MME: variants seen among roughly 807,000 people sequenced by gnomAD.
The protein encoded by MME is membrane metalloendopeptidase.
Under a neutral mutation model 113.2 loss-of-function variants are expected in MME, and 98 were observed. That is an observed-to-expected ratio of 0.87 (90% CI 0.74 to 1.02). The LOEUF (loss-of-function observed/expected upper bound fraction) is 1.02. MME is among the 50% of genes least tolerant of loss of function. The pLI is 0.00. For missense variants in MME, 836 were observed against 896.0 expected (o/e 0.93, Z 0.86); for synonymous variants, 292 against 300.6 (o/e 0.97, Z 0.30).
intron 2 of MME, among the ~76,000 whole-genome samples, chr3:155,084,552 G>A (rs557989628): frequency 7.2e-5 from 11 of 152,268 alleles, no homozygotes; most frequent in South Asian, 4.1e-4. Flanking sequence ...TATTTAGTGC[G>A]CTCACGCTTA....
chr3:155,127,582 T>C (rs1576619652), intron 8 of MME, among the ~76,000 whole-genome samples: 1 of 152,202 alleles, frequency 6.6e-6, no homozygotes, highest in African/African-American at 2.4e-5. Context: ...GAGAGGAAGG[T>C]CGTATCATTT....
intron 1 of MME, among the ~76,000 whole-genome samples, chr3:155,063,979 G>A (rs1371441685): frequency 5.4e-5 from 8 of 147,280 alleles, no homozygotes; most frequent in Non-Finnish European, 7.4e-5. Flanking sequence ...TAATCTGATA[G>A]GACTAATCCT....
At chr3:155,172,315 T>G (rs935692492) in intron 21 of MME, 103 bp downstream of exon 21, 11 of 865,228 alleles carry the variant, frequency 1.3e-5, no homozygotes, top group African/African-American at 1.2e-4. Context: ...TACAGAGCAT[T>G]TGACTTGATT....
chr3:155,125,734 C>T (rs570062772), intron 8 of MME, among the ~76,000 whole-genome samples: 2 of 152,098 alleles, frequency 1.3e-5, no homozygotes, highest in South Asian at 4.2e-4. Context: ...GCTGGGATTA[C>T]AGATGTGAGC....
chr3:155,083,926 A>G (rs1576696662), intron 1 of MME: 9 of 473,968 alleles, frequency 1.9e-5, no homozygotes, highest in South Asian at 6.6e-5. Flanking sequence ...CCAAAGCAAA[A>G]CAAAACAAAA....
chr3:155,044,206 C>T (rs1713463785), intron 1 of MME, among the ~76,000 whole-genome samples: 1 of 134,420 alleles, frequency 7.4e-6, no homozygotes, highest in Non-Finnish European at 1.5e-5. Flanking sequence ...AATTTCAGGT[C>T]ACTGCAACCT....
intron 14 of MME, among the ~76,000 whole-genome samples, chr3:155,146,165 G>A: frequency 6.6e-6 from 1 of 152,086 alleles, no homozygotes; most frequent in East Asian, 1.9e-4. Context: ...TAGTAAACAA[G>A]TGATAATGAA....
At chr3:155,038,275 A>G (rs1014181221) in intron 1 of MME, among the ~76,000 whole-genome samples, 1 of 152,236 alleles carries the variant, frequency 6.6e-6, no homozygotes, top group African/African-American at 2.4e-5. Flanking sequence ...CCATGGCAGG[A>G]CTACACTCTG....
rs1174216295 is a variant in MME, at chr3:155,054,189, T to G, written c.-11+29865T>G. Among the ~76,000 whole-genome samples, 9 of 152,260 alleles carry G rather than the reference T, an allele frequency of 5.9e-5. No homozygotes were observed. The South Asian group carries it at 1.4e-3, about 24-fold the overall frequency. On this transcript the variant is annotated intron_variant, in intron 1 of 22. Transcript: ENST00000492661. ...ATTTCTTTCGTATTATTTTCCTATA[T>G]GATGGATTTCAACTATTGGATTTTT... is the stretch of plus-strand genomic sequence containing the variant.
chr3:155,167,441 AC>A (rs1723184308), intron 18 of MME, among the ~76,000 whole-genome samples: 1 of 148,788 alleles, frequency 6.7e-6, no homozygotes, highest in African/African-American at 2.5e-5. Context: ...TGCTTAAGAG[AC>A]CTTTTTTTTT....
intron 8 of MME, among the ~76,000 whole-genome samples, chr3:155,128,693 T>C (rs1719895230): frequency 6.6e-6 from 1 of 152,144 alleles, no homozygotes; most frequent in South Asian, 2.1e-4. Flanking sequence ...TTTTTTTCTA[T>C]AAAACTGTAA....
At position 155,172,522 on chromosome 3, in the gene MME, A is replaced by T. The variant is rs774048750; in HGVS notation, c.2077-14A>T. On this transcript the variant is annotated splice_polypyrimidine_tract_variant and intron_variant, in intron 21 of 22. Coordinates refer to ENST00000360490, the MANE Select transcript of MME (RefSeq NM_007289.4). ...CCTGAGTACATGCTTTGCTTTTCCT[A>T]TTCCTATCTCTAGGTGTGGTGTGGA... The T allele has an allele frequency of 2.0e-5, 32 of 1,598,292 alleles. No individual in the cohort carries two copies. In the Admixed American group the frequency reaches 4.8e-4, roughly 24 times the overall value.
chr3:155,140,519 C>T (rs888322073), intron 10 of MME, among the ~76,000 whole-genome samples: 4 of 147,436 alleles, frequency 2.7e-5, no homozygotes, highest in South Asian at 2.1e-4. Context: ...CAGGCTCAAG[C>T]GATTCTCCTG....
intron 1 of MME, among the ~76,000 whole-genome samples, chr3:155,024,624 C>T (rs1712714668): frequency 6.6e-6 from 1 of 152,142 alleles, no homozygotes; most frequent in Non-Finnish European, 1.5e-5. Flanking sequence ...TCCACTTTTT[C>T]TGCTATATTA....
rs1488603757 is a variant in MME, at chr3:155,168,505, CA to C, written c.1797del (p.Asp600MetfsTer81). The C allele has an allele frequency of 6.2e-7, 1 of 1,612,772 alleles. No individual in the cohort carries two copies. Among genetic ancestry groups the C allele is most frequent in the African/African-American group, 1.3e-5 (1 of 75,006 alleles). Reference protein sequence around the residue: ...GFDDNGRNFNKDGDLVDWWTQ... With the variant: ...GFDDNGRNFNXDGDLVDWWTQ... ...AATATATTATAGGCAGAAACTTTAA[CA>C]AAGATGGAGACCTCGTTGACTGGTG... On this transcript the variant is annotated frameshift_variant, in exon 19 of 23. Coordinates refer to ENST00000360490, the MANE Select transcript of MME (RefSeq NM_007289.4). LOFTEE classifies it high-confidence loss of function.
At chr3:155,047,160 C>A (rs565994513) in intron 1 of MME, among the ~76,000 whole-genome samples, 179 of 152,278 alleles carry the variant, frequency 1.2e-3, no homozygotes, top group Non-Finnish European at 2.1e-3. Context: ...GGTATGTATC[C>A]TATACAGGTA....
At chr3:155,107,976 G>T (rs1055594981) in intron 3 of MME, among the ~76,000 whole-genome samples, 1 of 152,146 alleles carries the variant, frequency 6.6e-6, no homozygotes, top group Non-Finnish European at 1.5e-5. Flanking sequence ...GATAAACATC[G>T]TTCAGGCATC....
chr3:155,060,239 C>T (rs532579861), intron 1 of MME, among the ~76,000 whole-genome samples: 1 of 152,288 alleles, frequency 6.6e-6, no homozygotes, highest in East Asian at 1.9e-4. Context: ...TCCCTTTGGG[C>T]TTGCTGAAAG....
intron 22 of MME, 68 bp from the exon 23 acceptor site, chr3:155,180,292 C>A: frequency 1.8e-6 from 2 of 1,113,994 alleles, no homozygotes; most frequent in Non-Finnish European, 2.8e-6. Context: ...GGAAATGCTT[C>A]AGGGCTCCAG....
Sources: gnomAD v4.1 joint callset for allele counts (sites outside exome capture counted in the v4.1 genomes callset) on GRCh38, gnomAD v4.1.1 for gene constraint, MANE v1.5 for transcripts, NCBI Gene and HGNC (gene_info 2026-07-23, HGNC 2026-07-21) for gene names.